The following CD300LG variants were observed in gnomAD, a reference collection of about 807,000 sequenced individuals.
The protein encoded by CD300LG is CD300 molecule like family member g.
A neutral mutation model predicts 31.5 loss-of-function variants in CD300LG; 29 were observed. That is an observed-to-expected ratio of 0.92 (90% CI 0.68 to 1.25). The LOEUF (loss-of-function observed/expected upper bound fraction) is 1.25, where lower values mean the gene tolerates loss of function less well. Ranked by LOEUF, CD300LG falls within the 50% of genes most tolerant of loss-of-function variation. CD300LG has a pLI of 0.00. For synonymous variants in CD300LG, 175 were observed against 177.2 expected (o/e 0.99, Z 0.10); for missense variants, 396 against 417.6 (o/e 0.95, Z 0.45).
rs1222943108 is a variant in CD300LG, at chr17:43,863,426, A to C, written c.*1515A>C. On this transcript the variant is annotated 3_prime_UTR_variant, in exon 7 of 7. Transcript: ENST00000317310. ...AAAATGTCACCCATAGTCTCACCAG[A>C]GACTATCATTATTTCGTTTTGTTGT... 1.3e-5 allele frequency: 2 copies of C among 152,228 alleles called. No individual in the cohort carries two copies. The highest frequency in any genetic ancestry group is 2.9e-5 in the Non-Finnish European group (2 of 68,042). The allele number at this position is 152,228 out of a possible 1,614,324, so 9.4% of individuals were successfully genotyped here. A position where few individuals can be genotyped will look rare whatever the true frequency, so the allele number is the denominator to read the frequency against.
intron 1 of CD300LG, among the ~76,000 whole-genome samples, chr17:43,847,668 T>C (rs180928502): frequency 2.7e-4 from 41 of 152,348 alleles, no homozygotes; most frequent in Admixed American, 1.5e-3. Flanking sequence ...TCACGTTTCA[T>C]CAATTCTTTT....
At chr17:43,850,164 A>G (rs1253543337) in intron 2 of CD300LG, among the ~76,000 whole-genome samples, 1 of 152,218 alleles carries the variant, frequency 6.6e-6, no homozygotes, top group African/African-American at 2.4e-5. Context: ...GACGACAGTG[A>G]TGTGCTGGTA....
intron 6 of CD300LG, 25 bp downstream of exon 6, chr17:43,857,181 C>T: frequency 1.2e-6 from 2 of 1,613,140 alleles, no homozygotes; most frequent in South Asian, 1.1e-5. Flanking sequence ...ATATGGAAGC[C>T]CAAGCTCAGA....
At chr17:43,849,998 C>G (rs1755435010) in intron 2 of CD300LG, 1 of 152,242 alleles carries the variant, frequency 6.6e-6, no homozygotes, top group African/African-American at 2.4e-5. Context: ...CATGTCATTT[C>G]TACCAGTTAT....
At chr17:43,857,592 C>A in intron 6 of CD300LG, 1 of 1,193,248 alleles carries the variant, frequency 8.4e-7, no homozygotes, top group Non-Finnish European at 1.2e-6. Flanking sequence ...ATGCACTCTC[C>A]AGGGCCCCAG....
At position 43,862,556 on chromosome 17, in the gene CD300LG, C is replaced by T. The variant is rs2143429751; in HGVS notation, c.*645C>T. The T allele has an allele frequency of 6.6e-6, 1 of 152,374 alleles. No individual in the cohort carries two copies. Among genetic ancestry groups the T allele is most frequent in the Middle Eastern group, 3.4e-3 (1 of 296 alleles). 9.4% of individuals were successfully genotyped at this position (152,374 alleles called of 1,614,324 possible). A position where few individuals can be genotyped will look rare whatever the true frequency, so the allele number is the denominator to read the frequency against. On this transcript the variant is annotated 3_prime_UTR_variant, in exon 7 of 7. Transcript: ENST00000317310. ...GACTGTCGCACTTGAGTTTGAGGGC[C>T]AGTGGGCCTGATGAACGCTCAGACC...
intron 6 of CD300LG, chr17:43,858,420 G>T: frequency 1.0e-6 from 1 of 985,450 alleles, no homozygotes; most frequent in Non-Finnish European, 1.2e-6. Context: ...GGCTGAGAGC[G>T]CCGGAACCAG....
In CD300LG at chr17:43,852,894, C is replaced by G; in HGVS notation, c.380-18C>G. 1 of 1,596,888 alleles carries G rather than the reference C, an allele frequency of 6.3e-7. No homozygotes were observed. Among genetic ancestry groups the G allele is most frequent in the Non-Finnish European group, 8.6e-7 (1 of 1,168,342 alleles). The stretch of plus-strand genomic sequence containing the variant: ...AGAGCGGTGCCACCCCTGAGAGCAG[C>G]CTTTCCCTTTCCTCTAGGACCCTGC... On this transcript the variant is annotated intron_variant, in intron 2 of 6. Transcript: ENST00000317310.
chr17:43,847,938 G>C (rs754273113), intron 1 of CD300LG, among the ~76,000 whole-genome samples: 1 of 152,088 alleles, frequency 6.6e-6, no homozygotes. Flanking sequence ...AACAGAGTGA[G>C]ATCCTGTCTA....
chr17:43,860,990 C>A, intron 6 of CD300LG: 1 of 490,190 alleles, frequency 2.0e-6, no homozygotes, highest in Non-Finnish European at 2.7e-6. Context: ...CAGAGGCATC[C>A]AGGAGCTTAG....
At chr17:43,857,356 G>A in intron 6 of CD300LG, 200 bp downstream of exon 6, 1 of 1,523,036 alleles carries the variant, frequency 6.6e-7, no homozygotes, top group Non-Finnish European at 8.8e-7. Flanking sequence ...GTGCCCATGG[G>A]GGACTCACAG....
At chr17:43,850,590 C>T (rs1375208073) in intron 2 of CD300LG, among the ~76,000 whole-genome samples, 1 of 152,104 alleles carries the variant, frequency 6.6e-6, no homozygotes, top group African/African-American at 2.4e-5. Context: ...CCTACCTCAG[C>T]CTCCAGAGTA....
chr17:43,857,291 T>G (rs1011653921), intron 6 of CD300LG, 135 bp downstream of exon 6: 2 of 1,437,866 alleles, frequency 1.4e-6, no homozygotes, highest in African/African-American at 2.8e-5. Context: ...CTCCCCACCT[T>G]GGAGGAATGT....
In CD300LG at chr17:43,858,142, G is replaced by A. The variant is rs1374207445; in HGVS notation, c.885+986G>A. On this transcript the variant is annotated intron_variant, in intron 6 of 6. Transcript: ENST00000317310. Reference sequence around the variant, plus strand: ...TTGCCTTCTTTCCTGGCGCCAGTGAGGACAAAAGACTCAGGCCTGGTCACC... The same window carrying A: ...TTGCCTTCTTTCCTGGCGCCAGTGAAGACAAAAGACTCAGGCCTGGTCACC... 12 of 1,296,128 alleles carry A rather than the reference G, an allele frequency of 9.3e-6. No homozygotes were observed. The African/African-American group carries it at 1.4e-4, about 15-fold the overall frequency. The allele number at this position is 1,296,128 out of a possible 1,614,324, so 80.3% of individuals were successfully genotyped here. A position where few individuals can be genotyped will look rare whatever the true frequency, so the allele number is the denominator to read the frequency against.
chr17:43,854,928 A>G (rs919442964), intron 4 of CD300LG, among the ~76,000 whole-genome samples: 2 of 152,086 alleles, frequency 1.3e-5, no homozygotes, highest in African/African-American at 4.8e-5. Flanking sequence ...ACACCCTGGG[A>G]GGTTTAGTCA....
Position 43,848,860 on chromosome 17 carries a change from G to T in CD300LG, c.346G>T (p.Glu116Ter). 6.2e-7 allele frequency: 1 copy of T among 1,613,870 alleles called. No individual in the cohort carries two copies. The highest frequency in any genetic ancestry group is 8.5e-7 in the Non-Finnish European group (1 of 1,179,852). The change falls in exon 2 of 7, where the codon GAG becomes TAG. Residue 116 changes from glutamate (E) to a stop codon, truncating the protein, a stop_gained. Transcript: ENST00000317310. LOFTEE classifies it high-confidence loss of function. ...TGGGGTCGAAAAACGGGGCCCCGAT[G>T]AGTCTTTACTGATCTCTCTGTTCGT... Reference protein sequence around the residue: ...WCGVEKRGPDESLLISLFVFP... With the variant: ...WCGVEKRGPD
intron 6 of CD300LG, chr17:43,858,660 G>A: frequency 1.0e-6 from 1 of 985,418 alleles, no homozygotes; most frequent in Non-Finnish European, 1.2e-6. Context: ...TCAGGTGGGT[G>A]CTTCTGCTTT....
At position 43,848,590 on chromosome 17, in the gene CD300LG, A is replaced by C; in HGVS notation, c.76A>C (p.Ser26Arg). The change falls in exon 2 of 7, where the codon AGC becomes CGC. Residue 26 changes from serine to arginine, a missense_variant. Ser to Arg is a moderately radical substitution (Grantham distance 110, BLOSUM62 -1). Coordinates refer to ENST00000317310, the MANE Select transcript of CD300LG (RefSeq NM_145273.4). ...YEALEGPEEI[S>R]GFEGDTVSLQ... ...AGCCCTGGAGGGCCCAGAGGAAATC[A>C]GCGGGTTCGAAGGGGACACTGTGTC... 6.2e-7 allele frequency: 1 copy of C among 1,614,104 alleles called. No homozygotes were observed. Among genetic ancestry groups the C allele is most frequent in the Non-Finnish European group, 8.5e-7 (1 of 1,179,992 alleles).
Position 43,851,399 on chromosome 17 carries a change from G to A in CD300LG, c.380-1513G>A, listed in dbSNP as rs115931544. ...ATTCCTGGATTAGGGATGCTGAATC[G>A]GCAGATATAATGCAAATATTCTGAA... On this transcript the variant is annotated intron_variant, in intron 2 of 6. Transcript: ENST00000317310. Among the ~76,000 whole-genome samples, 790 of 152,184 alleles carry A rather than the reference G, an allele frequency of 5.2e-3. 7 individuals are homozygous for A. Among genetic ancestry groups the A allele is most frequent in the African/African-American group, 0.018 (761 of 41,514 alleles).
Sources: allele counts gnomAD v4.1 joint callset (sites outside exome capture counted in the v4.1 genomes callset), GRCh38; gene constraint gnomAD v4.1.1; transcripts MANE v1.5; gene names NCBI Gene and HGNC (gene_info 2026-07-23, HGNC 2026-07-21).